ERBB4: variants seen among roughly 807,000 people sequenced by gnomAD.
The protein encoded by ERBB4 is erb-b2 receptor tyrosine kinase 4.
Under a neutral mutation model 158.0 loss-of-function variants are expected in ERBB4, and 42 were observed. That is an observed-to-expected ratio of 0.27 (90% confidence interval 0.21 to 0.34). The LOEUF (loss-of-function observed/expected upper bound fraction) is 0.34, where lower values mean the gene tolerates loss of function less well. Among genes scored for constraint, ERBB4 ranks in the 10% least tolerant of loss-of-function variants. The probability of loss-of-function intolerance (pLI) is 1.00; values close to 1 mark genes in which losing one functional copy is unlikely to be tolerated. For missense variants in ERBB4, 1,333 were observed against 1,624.1 expected (o/e 0.82, Z 3.08); for synonymous variants, 583 against 558.7 (o/e 1.04, Z -0.61).
chr2:211,759,595 T>C (rs573595270), intron 4 of ERBB4, among the ~76,000 whole-genome samples: 2 of 152,224 alleles, frequency 1.3e-5, no homozygotes, highest in South Asian at 4.1e-4. Flanking sequence ...TAAGAGCCTA[T>C]AAAGCAGGTT....
intron 14 of ERBB4, among the ~76,000 whole-genome samples, chr2:211,669,816 C>G (rs1338160564): frequency 6.6e-6 from 1 of 152,158 alleles, no homozygotes; most frequent in African/African-American, 2.4e-5. Flanking sequence ...GAGAAATTTA[C>G]AGTCAGAACT....
At chr2:211,622,477 A>G (rs1239998380) in intron 18 of ERBB4, among the ~76,000 whole-genome samples, 1 of 152,182 alleles carries the variant, frequency 6.6e-6, no homozygotes, top group Non-Finnish European at 1.5e-5. Context: ...GTTTTATTTT[A>G]AGGATATTAG....
chr2:211,783,584 T>C lies in ERBB4; in HGVS notation c.556+4441A>G, dbSNP rs374846510. ...TGAGAGTTTTTAGTATGAAGGGCTG[T>C]TGAATTTTGTCAAAGGCCTTTTCTG... On this transcript the variant is annotated intron_variant, in intron 4 of 27. Coordinates refer to ENST00000342788, the MANE Select transcript of ERBB4 (RefSeq NM_005235.3). 3.3e-5 allele frequency among the ~76,000 whole-genome samples: 5 copies of C among 152,356 alleles called. No homozygotes were observed. The East Asian group carries it at 7.7e-4, about 24-fold the overall frequency.
intron 2 of ERBB4, among the ~76,000 whole-genome samples, chr2:212,101,258 T>G (rs2079072175): frequency 6.6e-6 from 1 of 151,508 alleles, no homozygotes; most frequent in Non-Finnish European, 1.5e-5. Flanking sequence ...ATATCATTAT[T>G]GGATAAGTAA....
At chr2:211,712,583 T>G (rs1437996880) in intron 8 of ERBB4, among the ~76,000 whole-genome samples, 2 of 152,150 alleles carry the variant, frequency 1.3e-5, no homozygotes, top group African/African-American at 4.8e-5. Flanking sequence ...AATGATTTCA[T>G]GGCCTACATA....
intron 1 of ERBB4, among the ~76,000 whole-genome samples, chr2:212,463,934 A>AGCTAG (rs1172568681): frequency 6.6e-6 from 1 of 152,130 alleles, no homozygotes; most frequent in African/African-American, 2.4e-5. Context: ...ACCTTCTCTT[A>AGCTAG]GCTAGAACAA....
chr2:211,887,858 T>C (rs1003879104), intron 3 of ERBB4, among the ~76,000 whole-genome samples: 2 of 152,216 alleles, frequency 1.3e-5, no homozygotes, highest in Non-Finnish European at 2.9e-5. Context: ...TTAATATGCT[T>C]CAACCACCTG....
intron 3 of ERBB4, among the ~76,000 whole-genome samples, chr2:211,839,909 G>A (rs1330894560): frequency 6.6e-6 from 1 of 152,048 alleles, no homozygotes; most frequent in Non-Finnish European, 1.5e-5. Flanking sequence ...AAAATAAGAA[G>A]AAATGAAACT....
At chr2:212,114,380 G>C (rs2079511391) in intron 2 of ERBB4, among the ~76,000 whole-genome samples, 1 of 152,156 alleles carries the variant, frequency 6.6e-6, no homozygotes, top group Admixed American at 6.5e-5. Context: ...GAGTCAGAAA[G>C]AGCTGAATAC....
chr2:212,057,582 C>G lies in ERBB4; in HGVS notation c.234+67170G>C, dbSNP rs554281611. Among the ~76,000 whole-genome samples, 546 of 152,310 alleles carry G rather than the reference C, an allele frequency of 3.6e-3. 2 individuals carry two copies. The highest frequency in any genetic ancestry group is 0.013 in the African/African-American group (521 of 41,564). ...GAACAGAAATTATAACAAACTGTCT[C>G]TCAGACCACAGTGCAATCAAACTAG... On this transcript the variant is annotated intron_variant, in intron 2 of 27. Coordinates refer to ENST00000342788, the MANE Select transcript of ERBB4 (RefSeq NM_005235.3).
chr2:212,231,187 G>A (rs2083653381), intron 1 of ERBB4, among the ~76,000 whole-genome samples: 1 of 151,760 alleles, frequency 6.6e-6, no homozygotes, highest in Non-Finnish European at 1.5e-5. Context: ...GAGATAACTA[G>A]ATATTTCATT....
At chr2:211,428,238 AAAATAT>A (rs1211200534) in intron 22 of ERBB4, among the ~76,000 whole-genome samples, 164 bp downstream of exon 22, 36 of 145,510 alleles carry the variant, frequency 2.5e-4, no homozygotes, top group East Asian at 4.5e-4. Context: ...AAAATAAAAT[AAAATAT>A]TTTTTTTTCA....
At chr2:211,954,447 G>A (rs1202978297) in intron 2 of ERBB4, among the ~76,000 whole-genome samples, 1 of 151,578 alleles carries the variant, frequency 6.6e-6, no homozygotes, top group Admixed American at 6.6e-5. Flanking sequence ...AAAACCTTCT[G>A]TAATCAGTCA....
chr2:211,687,008 A>G (rs1259809725), intron 12 of ERBB4, among the ~76,000 whole-genome samples: 2 of 152,124 alleles, frequency 1.3e-5, no homozygotes, highest in African/African-American at 2.4e-5. Context: ...TTAAAACCCA[A>G]TACTGGGCTG....
chr2:211,846,266 C>T (rs2077586655), intron 3 of ERBB4, among the ~76,000 whole-genome samples: 1 of 152,014 alleles, frequency 6.6e-6, no homozygotes. Flanking sequence ...ATCCTTTAAT[C>T]TCCAGACACT....
chr2:211,433,035 A>AATT (rs1226308955), intron 20 of ERBB4, among the ~76,000 whole-genome samples: 1 of 152,184 alleles, frequency 6.6e-6, no homozygotes, highest in African/African-American at 2.4e-5. Flanking sequence ...GATGTCTCCC[A>AATT]ATTGGACAGA....
At chr2:211,594,030 C>A (rs191839280) in intron 19 of ERBB4, among the ~76,000 whole-genome samples, 2 of 152,292 alleles carry the variant, frequency 1.3e-5, no homozygotes, top group East Asian at 3.9e-4. Flanking sequence ...TACTGCCCAG[C>A]CACAGCTGTT....
chr2:212,415,943 A>G (rs2091639326), intron 1 of ERBB4, among the ~76,000 whole-genome samples: 1 of 152,124 alleles, frequency 6.6e-6, no homozygotes, highest in South Asian at 2.1e-4. Flanking sequence ...AATTTGTGGA[A>G]CTGAGTGCAA....
At chr2:212,407,144 T>C (rs568903430) in intron 1 of ERBB4, among the ~76,000 whole-genome samples, 13 of 150,978 alleles carry the variant, frequency 8.6e-5, no homozygotes, top group African/African-American at 2.7e-4. Flanking sequence ...ACATAACATA[T>C]ATTATATATA....
Sources: allele counts gnomAD v4.1 joint callset (sites outside exome capture counted in the v4.1 genomes callset), GRCh38; gene constraint gnomAD v4.1.1; transcripts MANE v1.5; gene names NCBI Gene and HGNC (gene_info 2026-07-23, HGNC 2026-07-21).